Variants in KCNQ1 observed in about 807,000 individuals in gnomAD.
The protein encoded by KCNQ1 is potassium voltage-gated channel subfamily Q member 1, also known as potassium voltage-gated channel subfamily KQT member 1.
KCNQ1 carries 49 observed loss-of-function variants against 72.4 expected under a neutral mutation model. The observed-to-expected ratio is 0.68, with a 90% confidence interval of 0.54 to 0.86. The LOEUF is 0.86. KCNQ1 is among the 40% of genes least tolerant of loss of function. The pLI, the probability that KCNQ1 is intolerant of heterozygous loss-of-function variation, is 0.00. For synonymous variants in KCNQ1, 450 were observed against 412.6 expected (o/e 1.09, Z -1.10); for missense variants, 790 against 945.1 (o/e 0.84, Z 2.15).
In KCNQ1 at chr11:2,464,526, T is replaced by A. The variant is rs1247308994; in HGVS notation, c.386+19042T>A. Among the ~76,000 whole-genome samples the A allele has an allele frequency of 1.3e-5, 2 of 151,712 alleles. No individual in the cohort carries two copies. The highest frequency in any genetic ancestry group is 2.9e-5 in the Non-Finnish European group (2 of 67,926). On this transcript the variant is annotated intron_variant, in intron 1 of 15. Transcript: ENST00000155840. This position sits in a 1 kb window ranked among gnomAD's most constrained non-coding sequence, Gnocchi z 5.0. Reference sequence around the variant, plus strand: ...GCACTGTGGTCCTGGGTCCACATGGTGCTAGGGTCCCATGGGCTCCTGGCC... The same window carrying A: ...GCACTGTGGTCCTGGGTCCACATGGAGCTAGGGTCCCATGGGCTCCTGGCC...
In KCNQ1 at chr11:2,599,430, C is replaced by T. The variant is rs1313034377; in HGVS notation, c.1393+10576C>T. Reference sequence around the variant, plus strand: ...TCTCTGCTTAATTTCCTTTGGTGTACATACTCTGTGATGTTCTCTATCGCT... The same window carrying T: ...TCTCTGCTTAATTTCCTTTGGTGTATATACTCTGTGATGTTCTCTATCGCT... On this transcript the variant is annotated intron_variant, in intron 10 of 15. Coordinates refer to ENST00000155840, the MANE Select transcript of KCNQ1 (RefSeq NM_000218.3). This position sits in a 1 kb window ranked among gnomAD's most constrained non-coding sequence, Gnocchi z 4.7. 2.0e-5 allele frequency among the ~76,000 whole-genome samples: 3 copies of T among 152,098 alleles called. No individual in the cohort carries two copies. Among genetic ancestry groups the T allele is most frequent in the Non-Finnish European group, 2.9e-5 (2 of 68,030 alleles).
At chr11:2,560,476 A>G (rs1848147835) in intron 2 of KCNQ1, among the ~76,000 whole-genome samples, 1 of 75,730 alleles carries the variant, frequency 1.3e-5, no homozygotes, top group African/African-American at 5.6e-5. Context: ...GGTGACGTCC[A>G]TCCTGGGGGC....
At chr11:2,837,338 G>T (rs1048102649) in intron 15 of KCNQ1, among the ~76,000 whole-genome samples, 1 of 152,088 alleles carries the variant, frequency 6.6e-6, no homozygotes, top group African/African-American at 2.4e-5. Flanking sequence ...TCCTTCCCCT[G>T]AGCCCCTCCC....
At chr11:2,686,299 G>GACCACAC in intron 11 of KCNQ1, 1 of 398,720 alleles carries the variant, frequency 2.5e-6, no homozygotes, top group Non-Finnish European at 4.4e-6. Context: ...CCAGACCACA[G>GACCACAC]ACCACACTAG....
Position 2,818,581 on chromosome 11 carries a change from G to A in KCNQ1, c.1795-29186G>A, listed in dbSNP as rs184477017. 6.8e-4 allele frequency among the ~76,000 whole-genome samples: 103 copies of A among 152,146 alleles called. 2 individuals are homozygous for A. The highest frequency in any genetic ancestry group is 5.0e-4 in the Non-Finnish European group (34 of 67,990). ...TGCCTTACACCCCCCATCCCCACAC[G>A]CACACAGCTTGGAGGCTGGAAGCCC... On this transcript the variant is annotated intron_variant, in intron 15 of 15. Coordinates refer to ENST00000155840, the MANE Select transcript of KCNQ1 (RefSeq NM_000218.3). The surrounding 1 kb of genome is among the most constrained non-coding windows in gnomAD (Gnocchi z 7.2).
intron 1 of KCNQ1, among the ~76,000 whole-genome samples, chr11:2,448,538 G>T (rs1371174455): frequency 1.3e-5 from 2 of 152,240 alleles, no homozygotes; most frequent in African/African-American, 2.4e-5. Context: ...TCCAGGCTCT[G>T]GCATTGGAGT....
intron 2 of KCNQ1, among the ~76,000 whole-genome samples, chr11:2,542,121 G>A (rs1847837351): frequency 6.6e-6 from 1 of 152,196 alleles, no homozygotes; most frequent in African/African-American, 2.4e-5. Flanking sequence ...CTTCCCCGTG[G>A]GTCCACACAC....
chr11:2,624,363 G>A lies in KCNQ1; in HGVS notation c.1393+35509G>A. 1 of 398,454 alleles carries A rather than the reference G, an allele frequency of 2.5e-6. No homozygotes were observed. Among genetic ancestry groups the A allele is most frequent in the East Asian group, 3.6e-5 (1 of 28,050 alleles). The allele number at this position is 398,454 out of a possible 1,614,324, so 24.7% of individuals were successfully genotyped here. A position where few individuals can be genotyped will look rare whatever the true frequency, so the allele number is the denominator to read the frequency against. On this transcript the variant is annotated intron_variant, in intron 10 of 15. Coordinates refer to ENST00000155840, the MANE Select transcript of KCNQ1 (RefSeq NM_000218.3). This position sits in a 1 kb window ranked among gnomAD's most constrained non-coding sequence, Gnocchi z 4.9. Reference sequence around the variant, plus strand: ...TTACAAGTATTGTCTCCCTTCTGTGGCCTGTCCTTTCATCCTCTTGACAGT... The same window carrying A: ...TTACAAGTATTGTCTCCCTTCTGTGACCTGTCCTTTCATCCTCTTGACAGT...
chr11:2,721,417 T>TC (rs1306269154), intron 11 of KCNQ1, among the ~76,000 whole-genome samples: 1 of 152,226 alleles, frequency 6.6e-6, no homozygotes, highest in Non-Finnish European at 1.5e-5. Flanking sequence ...TAGCTCAGCC[T>TC]CCCTGCCTCA....
rs1383035176 is a variant in KCNQ1 at position 2,620,211 on chromosome 11, A to ATATATATATAT, written c.1393+31358_1393+31359insATATATATATT. 1.1e-5 allele frequency: 3 copies of ATATATATATAT among 261,940 alleles called. No individual in the cohort carries two copies. Among genetic ancestry groups the ATATATATATAT allele is most frequent in the African/African-American group, 5.3e-5 (2 of 38,042 alleles). The allele number at this position is 261,940 out of a possible 1,614,324, so 16.2% of individuals were successfully genotyped here. ...TAAGTTCATTCATGTATATATATAT[A>ATATATATATAT]TTTTTTTTTTTTATTTTTTTTTTAG... is the stretch of plus-strand genomic sequence containing the variant. On this transcript the variant is annotated intron_variant, in intron 10 of 15. Transcript: ENST00000155840. The surrounding 1 kb of genome is among the most constrained non-coding windows in gnomAD (Gnocchi z 4.5).
chr11:2,577,602 T>C (rs1848442267), intron 6 of KCNQ1, among the ~76,000 whole-genome samples: 2 of 152,226 alleles, frequency 1.3e-5, no homozygotes, highest in African/African-American at 4.8e-5. Context: ...GTTTATTTAC[T>C]TTCTCCTGCT....
chr11:2,517,652 G>A (rs1370633947), intron 1 of KCNQ1, among the ~76,000 whole-genome samples: 2 of 152,204 alleles, frequency 1.3e-5, no homozygotes, highest in African/African-American at 4.8e-5. Flanking sequence ...GTCCTGACTT[G>A]GTCTTCTGGG....
rs1848475665 is a variant in KCNQ1 at position 2,579,927 on chromosome 11, C to T, written c.922-3508C>T. On this transcript the variant is annotated intron_variant, in intron 6 of 15. Coordinates refer to ENST00000155840, the MANE Select transcript of KCNQ1 (RefSeq NM_000218.3). This position sits in a 1 kb window ranked among gnomAD's most constrained non-coding sequence, Gnocchi z 6.0. ...GGCTACCTCACCTGCTCACCTGACCCCAACTCCACTCTGACTTCCAGGCCA... is the reference window on the plus strand; with the variant it reads ...GGCTACCTCACCTGCTCACCTGACCTCAACTCCACTCTGACTTCCAGGCCA... 6.6e-6 allele frequency among the ~76,000 whole-genome samples: 1 copy of T among 152,158 alleles called. No homozygotes were observed. The highest frequency in any genetic ancestry group is 2.4e-5 in the African/African-American group (1 of 41,442).
At chr11:2,632,915 T>C (rs1235143264) in intron 10 of KCNQ1, 2 of 398,390 alleles carry the variant, frequency 5.0e-6, no homozygotes, top group Admixed American at 4.4e-5. Flanking sequence ...ACTGATTTCC[T>C]TTCCTTTGAG....
Position 2,733,857 on chromosome 11 carries a change from C to CTCTCTCACTCTTTCTCTCT in KCNQ1, c.1515-34987_1515-34986insTCTCTCACTCTTTCTCTCT, listed in dbSNP as rs147278439. On this transcript the variant is annotated intron_variant, in intron 11 of 15. Coordinates refer to ENST00000155840, the MANE Select transcript of KCNQ1 (RefSeq NM_000218.3). ...TCTCTCTCTCTCTCTCTCTCTCTCT[C>CTCTCTCACTCTTTCTCTCT]CCCCCCCACTTCAGGGCCTTCGCGC... Among the ~76,000 whole-genome samples, 34 of 76,360 alleles carry CTCTCTCACTCTTTCTCTCT rather than the reference C, an allele frequency of 4.5e-4. 1 individual carries two copies. The highest frequency in any genetic ancestry group is 6.7e-4 in the African/African-American group (11 of 16,466). The allele number at this position is 76,360 out of a possible 152,430, so 50.1% of individuals were successfully genotyped here. A position where few individuals can be genotyped will look rare whatever the true frequency, so the allele number is the denominator to read the frequency against.
At position 2,683,480 on chromosome 11, in the gene KCNQ1, C is replaced by A; in HGVS notation, c.1514+21399C>A. The A allele has an allele frequency of 2.5e-6, 1 of 398,554 alleles. No individual in the cohort carries two copies. Among genetic ancestry groups the A allele is most frequent in the South Asian group, 1.3e-4 (1 of 7,860 alleles). The allele number at this position is 398,554 out of a possible 1,614,324, so 24.7% of individuals were successfully genotyped here. A position where few individuals can be genotyped will look rare whatever the true frequency, so the allele number is the denominator to read the frequency against. On this transcript the variant is annotated intron_variant, in intron 11 of 15. Transcript: ENST00000155840. This position sits in a 1 kb window ranked among gnomAD's most constrained non-coding sequence, Gnocchi z 4.7. ...TATGATTCCATCAATGACAGTTTTC[C>A]TATTAAAACATAACTTGTTAAAGCA...
intron 1 of KCNQ1, among the ~76,000 whole-genome samples, chr11:2,501,716 A>G (rs1202905051): frequency 1.3e-5 from 1 of 77,272 alleles, no homozygotes; most frequent in African/African-American, 4.9e-5. Flanking sequence ...ACAAAGATAC[A>G]TCAAAAAAAA....
intron 10 of KCNQ1, chr11:2,633,283 A>G (rs773489117): frequency 1.5e-5 from 6 of 398,400 alleles, no homozygotes; most frequent in Non-Finnish European, 2.7e-5. Flanking sequence ...TATTCCGGAT[A>G]TTAATCCCTT....
rs993072001 is a variant in KCNQ1, at chr11:2,764,756, T to C, written c.1515-4088T>C. On this transcript the variant is annotated intron_variant, in intron 11 of 15. Coordinates refer to ENST00000155840, the MANE Select transcript of KCNQ1 (RefSeq NM_000218.3). The surrounding 1 kb of genome is among the most constrained non-coding windows in gnomAD (Gnocchi z 4.8). ...TTACATACTGTGTTTTTAAATAATT[T>C]GTATATTTTATCTAAATCATCAAAA... Among the ~76,000 whole-genome samples the C allele has an allele frequency of 6.6e-6, 1 of 152,214 alleles. No homozygotes were observed. Among genetic ancestry groups the C allele is most frequent in the Non-Finnish European group, 1.5e-5 (1 of 68,046 alleles).
Sources: gnomAD v4.1 joint callset for allele counts (sites outside exome capture counted in the v4.1 genomes callset) on GRCh38, gnomAD v4.1.1 for gene constraint, Gnocchi (gnomAD v3.1) non-coding constraint, MANE v1.5 for transcripts, NCBI Gene and HGNC (gene_info 2026-07-23, HGNC 2026-07-21) for gene names.